FAF1: variants seen among roughly 807,000 people sequenced by gnomAD.
FAF1 encodes Fas associated factor 1, also known as FAS-associated factor 1.
In FAF1, 25 loss-of-function variants were observed where a neutral mutation model predicts 92.5. The ratio of observed to expected loss-of-function variants is 0.27; its 90% confidence interval spans 0.20 to 0.38. The LOEUF (loss-of-function observed/expected upper bound fraction) is 0.38, where lower values mean the gene tolerates loss of function less well. FAF1 is among the 10% of genes least tolerant of loss of function. The pLI is 1.00. For missense variants in FAF1, 636 were observed against 793.3 expected, an observed-to-expected ratio of 0.80 and a Z score of 2.38; for synonymous variants, 234 against 273.2, an observed-to-expected ratio of 0.86 and a Z score of 1.42.
intron 2 of FAF1, among the ~76,000 whole-genome samples, chr1:50,823,567 G>C (rs146704413): frequency 2.0e-5 from 3 of 151,962 alleles, no homozygotes; most frequent in Admixed American, 6.5e-5. Context: ...GATCATAACA[G>C]TGAACATAAG....
At chr1:50,905,032 C>A (rs1644824841) in intron 1 of FAF1, among the ~76,000 whole-genome samples, 1 of 152,124 alleles carries the variant, frequency 6.6e-6, no homozygotes, top group African/African-American at 2.4e-5. Flanking sequence ...GCTATCCCAA[C>A]ACCAGCCCCC....
At chr1:50,579,291 G>C (rs987150788) in intron 12 of FAF1, among the ~76,000 whole-genome samples, 2 of 151,950 alleles carry the variant, frequency 1.3e-5, no homozygotes, top group African/African-American at 4.8e-5. Flanking sequence ...AATGTGTGAG[G>C]TATACATAGT....
chr1:50,631,304 A>G (rs1465935096), intron 8 of FAF1, among the ~76,000 whole-genome samples: 1 of 152,170 alleles, frequency 6.6e-6, no homozygotes, highest in African/African-American at 2.4e-5. Flanking sequence ...ATTGCATGCC[A>G]TACTAAGTAG....
intron 8 of FAF1, among the ~76,000 whole-genome samples, chr1:50,632,853 T>A (rs977532258): frequency 6.6e-6 from 1 of 152,212 alleles, no homozygotes; most frequent in African/African-American, 2.4e-5. Context: ...TGGCTTCTTA[T>A]GACCTCCTCT....
chr1:50,484,266 A>G (rs1294929197), intron 17 of FAF1, among the ~76,000 whole-genome samples: 1 of 152,122 alleles, frequency 6.6e-6, no homozygotes, highest in Non-Finnish European at 1.5e-5. Flanking sequence ...AAGTAAGGCA[A>G]ATGATCATAT....
At position 50,439,754 on chromosome 1, in the gene FAF1, A is replaced by T. The variant is rs1162836974; in HGVS notation, c.*1686T>A. On this transcript the variant is annotated 3_prime_UTR_variant, in exon 19 of 19. Coordinates refer to ENST00000396153, the MANE Select transcript of FAF1 (RefSeq NM_007051.3). ...GTAGCACTGGAAATGACTATCTTGT[A>T]GAGCCATTAGATTAGGAAGATAGGA... 1 of 152,196 alleles carries T rather than the reference A, an allele frequency of 6.6e-6. No homozygotes were observed. The highest frequency in any genetic ancestry group is 2.4e-5 in the African/African-American group (1 of 41,446). 9.4% of individuals were successfully genotyped at this position (152,196 alleles called of 1,614,324 possible).
At chr1:50,831,373 A>G (rs1475586526) in intron 2 of FAF1, among the ~76,000 whole-genome samples, 1 of 152,176 alleles carries the variant, frequency 6.6e-6, no homozygotes, top group Non-Finnish European at 1.5e-5. Context: ...AGGCCCCTCC[A>G]GAACAAATAT....
chr1:50,609,008 A>G (rs1652568160), intron 8 of FAF1, among the ~76,000 whole-genome samples: 1 of 152,208 alleles, frequency 6.6e-6, no homozygotes, highest in Non-Finnish European at 1.5e-5. Flanking sequence ...ATGTTGCTAA[A>G]TCACTCTGGG....
intron 13 of FAF1, among the ~76,000 whole-genome samples, chr1:50,547,941 G>C (rs1045978299): frequency 1.3e-5 from 2 of 152,104 alleles, no homozygotes; most frequent in African/African-American, 4.8e-5. Context: ...TCATAAAAAT[G>C]GTGTTTACTT....
chr1:50,672,901 T>C (rs1425537191), intron 7 of FAF1, among the ~76,000 whole-genome samples: 2 of 151,996 alleles, frequency 1.3e-5, no homozygotes, highest in African/African-American at 4.8e-5. Flanking sequence ...GTGGATCACT[T>C]GAGTTTAGGA....
At chr1:50,823,768 A>T (rs1333905297) in intron 2 of FAF1, among the ~76,000 whole-genome samples, 1 of 152,128 alleles carries the variant, frequency 6.6e-6, no homozygotes, top group East Asian at 1.9e-4. Flanking sequence ...AGTTAAAAAG[A>T]ATGGCAAAGA....
rs1245252468 is a variant in FAF1 at position 50,584,778 on chromosome 1, C to A, written c.874G>T (p.Asp292Tyr). 6.2e-7 allele frequency: 1 copy of A among 1,613,492 alleles called. No homozygotes were observed. The highest frequency in any genetic ancestry group is 1.7e-5 in the Admixed American group (1 of 60,008). ...ITDVHMVSDS[D>Y]GDDFEDATEF... is the part of the protein sequence containing the mutation. The stretch of plus-strand genomic sequence containing the variant: ...GTAGCATCTTCAAAGTCATCTCCAT[C>A]GCTATCACTAACCATATGAACATCG... Residue 292 changes from aspartate (D) to tyrosine (Y), a missense_variant, in exon 10 of 19, where the codon GAT becomes TAT. By Grantham distance (160) the Asp-to-Tyr change is radical. Coordinates refer to ENST00000396153, the MANE Select transcript of FAF1 (RefSeq NM_007051.3).
chr1:50,906,218 G>T (rs534169662), intron 1 of FAF1, among the ~76,000 whole-genome samples: 1 of 152,280 alleles, frequency 6.6e-6, no homozygotes, highest in South Asian at 2.1e-4. Context: ...TGAGGGCTCT[G>T]TTGTATTCCA....
intron 18 of FAF1, among the ~76,000 whole-genome samples, chr1:50,452,915 G>T (rs1275879001): frequency 6.6e-6 from 1 of 152,174 alleles, no homozygotes; most frequent in Non-Finnish European, 1.5e-5. Flanking sequence ...ACACCACATG[G>T]TCTCTTAATA....
At chr1:50,554,191 T>C (rs1649442790) in intron 13 of FAF1, among the ~76,000 whole-genome samples, 1 of 150,764 alleles carries the variant, frequency 6.6e-6, no homozygotes, top group African/African-American at 2.4e-5. Context: ...GGCAAGATCA[T>C]GGGAAAAAAA....
chr1:50,702,240 A>T (rs1245439696), intron 7 of FAF1, among the ~76,000 whole-genome samples: 1 of 151,968 alleles, frequency 6.6e-6, no homozygotes, highest in East Asian at 1.9e-4. Flanking sequence ...CCTTAATTTA[A>T]CCCACCCCAA....
intron 3 of FAF1, among the ~76,000 whole-genome samples, chr1:50,792,101 G>C (rs1014163704): frequency 6.6e-6 from 1 of 152,152 alleles, no homozygotes; most frequent in South Asian, 2.1e-4. Flanking sequence ...TGTCTGACTT[G>C]ACTATTTTGA....
At chr1:50,836,170 G>GTTTTT (rs36053491) in intron 2 of FAF1, among the ~76,000 whole-genome samples, 17 of 98,520 alleles carry the variant, frequency 1.7e-4, no homozygotes, top group African/African-American at 4.7e-4. Flanking sequence ...TTTTGTTTCT[G>GTTTTT]TTTTTTTTTT....
intron 2 of FAF1, among the ~76,000 whole-genome samples, chr1:50,819,708 T>C (rs1471391019): frequency 5.4e-5 from 2 of 36,902 alleles, no homozygotes; most frequent in East Asian, 1.4e-3. Context: ...TATATACATA[T>C]ATATATACGT....
Sources: allele counts gnomAD v4.1 joint callset (sites outside exome capture counted in the v4.1 genomes callset), GRCh38; gene constraint gnomAD v4.1.1; transcripts MANE v1.5; gene names NCBI Gene and HGNC (gene_info 2026-07-23, HGNC 2026-07-21).